Variants in LMOD1 observed in about 807,000 individuals in gnomAD.
The protein encoded by LMOD1 is leiomodin-1.
In LMOD1, 8 loss-of-function variants were observed where a neutral mutation model predicts 36.5. That is an observed-to-expected ratio of 0.22 (90% confidence interval 0.13 to 0.40). LMOD1 has a LOEUF of 0.40. Among genes scored for constraint, LMOD1 ranks in the 10% least tolerant of loss-of-function variants. LMOD1 has a pLI of 1.00. For synonymous variants in LMOD1, 284 were observed against 288.7 expected (o/e 0.98, Z 0.17); for missense variants, 630 against 751.1 (o/e 0.84, Z 1.88).
intron 1 of LMOD1, among the ~76,000 whole-genome samples, chr1:201,934,609 G>A (rs1681983461): frequency 6.6e-6 from 1 of 152,012 alleles, no homozygotes. Flanking sequence ...CTTCCCATTA[G>A]AACAAAACTG....
rs185049793 is a variant in LMOD1, at chr1:201,940,250, G to A, written c.261+5830C>T. On this transcript the variant is annotated intron_variant, in intron 1 of 2. Coordinates refer to ENST00000367288, the MANE Select transcript of LMOD1 (RefSeq NM_012134.3). ...TTGCCAGGCTGGAGTACAGCGGCAC[G>A]ATCTCGGCTCACTGCAACCTCCATC... 4.9e-3 allele frequency among the ~76,000 whole-genome samples: 707 copies of A among 144,132 alleles called. 5 individuals are homozygous for A. The highest frequency in any genetic ancestry group is 0.015 in the African/African-American group (592 of 38,606). 94.6% of individuals were successfully genotyped at this position (144,132 alleles called of 152,430 possible).
intron 1 of LMOD1, among the ~76,000 whole-genome samples, chr1:201,902,902 A>G (rs1681355657): frequency 6.6e-6 from 1 of 152,208 alleles, no homozygotes; most frequent in African/African-American, 2.4e-5. Flanking sequence ...TAGACATTAG[A>G]CATAGAGTAG....
At chr1:201,920,761 G>T (rs948015515) in intron 1 of LMOD1, among the ~76,000 whole-genome samples, 1 of 152,218 alleles carries the variant, frequency 6.6e-6, no homozygotes, top group Admixed American at 6.5e-5. Context: ...GGGCGCGGTG[G>T]CTCACGCCTG....
intron 1 of LMOD1, among the ~76,000 whole-genome samples, chr1:201,904,969 G>A (rs1409500513): frequency 1.3e-5 from 2 of 152,170 alleles, no homozygotes; most frequent in Non-Finnish European, 2.9e-5. Flanking sequence ...GTACATCCCG[G>A]TGACCTCCAG....
At chr1:201,927,912 C>T (rs183155722) in intron 1 of LMOD1, among the ~76,000 whole-genome samples, 330 of 152,270 alleles carry the variant, frequency 2.2e-3, no homozygotes, top group African/African-American at 7.8e-3. Flanking sequence ...ACATTGGAAA[C>T]TCAATCCCCA....
intron 1 of LMOD1, among the ~76,000 whole-genome samples, chr1:201,943,833 AT>A (rs991581930): frequency 6.6e-6 from 1 of 152,212 alleles, no homozygotes; most frequent in African/African-American, 2.4e-5. Flanking sequence ...TTTGTAGGTG[AT>A]GAAACTGAGG....
Position 201,900,499 on chromosome 1 carries a change from C to A in LMOD1, c.514G>T (p.Ala172Ser). ...TCCTCTCCTCTCCCATCCTTCCCTG[C>A]CTCCTTCTTATCCACTGCAGCCCTG... is the stretch of plus-strand genomic sequence containing the variant. ...RVRAAVDKKE[A>S]GKDGRGEERA... Residue 172 changes from alanine to serine, a missense_variant, in exon 2 of 3, where the codon GCA becomes TCA. By Grantham distance (99) the Ala-to-Ser change is moderately conservative. This residue lies in a region of LMOD1 where 405 missense variants were observed against 400.6 expected (regional missense o/e 1.01). Transcript: ENST00000367288. 2.5e-6 allele frequency: 4 copies of A among 1,613,786 alleles called. No individual in the cohort carries two copies. Among genetic ancestry groups the A allele is most frequent in the Non-Finnish European group, 3.4e-6 (4 of 1,179,840 alleles).
chr1:201,929,939 G>T (rs190424943), intron 1 of LMOD1, among the ~76,000 whole-genome samples: 62 of 152,312 alleles, frequency 4.1e-4, no homozygotes, highest in African/African-American at 1.2e-3. Flanking sequence ...GGCTGGGGGG[G>T]TCCGGAAAGC....
intron 1 of LMOD1, among the ~76,000 whole-genome samples, chr1:201,936,441 A>G (rs996143370): frequency 6.6e-6 from 1 of 152,140 alleles, no homozygotes; most frequent in Non-Finnish European, 1.5e-5. Flanking sequence ...AAGTCCCCAC[A>G]TGATCGGAAC....
At chr1:201,908,951 A>C (rs1191671092) in intron 1 of LMOD1, among the ~76,000 whole-genome samples, 1 of 152,144 alleles carries the variant, frequency 6.6e-6, no homozygotes, top group African/African-American at 2.4e-5. Flanking sequence ...TAAACCTGAC[A>C]AGCAACGCTG....
intron 1 of LMOD1, among the ~76,000 whole-genome samples, chr1:201,934,401 CCTT>C (rs1466858460): frequency 1.3e-5 from 2 of 152,302 alleles, no homozygotes; most frequent in African/African-American, 4.8e-5. Flanking sequence ...ATCTCTGCTG[CCTT>C]CTCTCCTAAG....
chr1:201,929,814 G>C (rs961027755), intron 1 of LMOD1, among the ~76,000 whole-genome samples: 4 of 152,172 alleles, frequency 2.6e-5, no homozygotes, highest in African/African-American at 9.7e-5. Context: ...TAAGAAGTTT[G>C]GGAAAAGCAC....
In LMOD1 at chr1:201,939,138, G is replaced by GTT. The variant is rs35833507; in HGVS notation, c.261+6940_261+6941dup. ...CATCATTCCTTCACACTCACTGATG[G>GTT]TTTTTTTTTTTTTTAATTTCGTGAG... On this transcript the variant is annotated intron_variant, in intron 1 of 2. Coordinates refer to ENST00000367288, the MANE Select transcript of LMOD1 (RefSeq NM_012134.3). Among the ~76,000 whole-genome samples, 6 of 139,878 alleles carry GTT rather than the reference G, an allele frequency of 4.3e-5. No homozygotes were observed. In the South Asian group the frequency reaches 9.2e-4, roughly 22 times the overall value. The allele number at this position is 139,878 out of a possible 152,430, so 91.8% of individuals were successfully genotyped here.
intron 1 of LMOD1, among the ~76,000 whole-genome samples, chr1:201,901,546 A>G (rs1419998169): frequency 4.6e-5 from 2 of 43,666 alleles, no homozygotes; most frequent in Non-Finnish European, 7.9e-5. Flanking sequence ...ATATATATAT[A>G]TATATACATA....
Position 201,898,282 on chromosome 1 carries a change from C to T in LMOD1, c.*90G>A, listed in dbSNP as rs545721869. On this transcript the variant is annotated 3_prime_UTR_variant, in exon 3 of 3. Coordinates refer to ENST00000367288, the MANE Select transcript of LMOD1 (RefSeq NM_012134.3). Reference sequence around the variant, plus strand: ...AATAGGGACATCCACAGCAGGTCAGCCAGGGATGGGGTGGGCAGGGTCTGT... The same window carrying T: ...AATAGGGACATCCACAGCAGGTCAGTCAGGGATGGGGTGGGCAGGGTCTGT... The T allele has an allele frequency of 3.6e-6, 5 of 1,377,458 alleles. No individual in the cohort carries two copies. In the African/African-American group the frequency reaches 4.3e-5, roughly 12 times the overall value. 85.3% of individuals were successfully genotyped at this position (1,377,458 alleles called of 1,614,324 possible).
At chr1:201,898,975 A>G (rs182617137) in intron 2 of LMOD1, among the ~76,000 whole-genome samples, 17 of 152,344 alleles carry the variant, frequency 1.1e-4, no homozygotes, top group South Asian at 2.1e-4. Context: ...TCATTGCAGA[A>G]TGAAAGAGAA....
rs1681222385 is a variant in LMOD1 at position 201,897,978 on chromosome 1, G to T, written c.*394C>A. 1 of 204,150 alleles carries T rather than the reference G, an allele frequency of 4.9e-6. No homozygotes were observed. The highest frequency in any genetic ancestry group is 1.1e-4 in the South Asian group (1 of 9,016). 12.6% of individuals were successfully genotyped at this position (204,150 alleles called of 1,614,324 possible). On this transcript the variant is annotated 3_prime_UTR_variant, in exon 3 of 3. Coordinates refer to ENST00000367288, the MANE Select transcript of LMOD1 (RefSeq NM_012134.3). ...GCTTTGCCCCGTGGGCTCCTCAGAGGCCTGAATCCTGGCCCTGGAGGGCAG... is the reference window on the plus strand; with the variant it reads ...GCTTTGCCCCGTGGGCTCCTCAGAGTCCTGAATCCTGGCCCTGGAGGGCAG...
At chr1:201,945,839 G>A (rs1431649426) in intron 1 of LMOD1, among the ~76,000 whole-genome samples, 1 of 152,148 alleles carries the variant, frequency 6.6e-6, no homozygotes, top group Non-Finnish European at 1.5e-5. Flanking sequence ...TCTACTAGTA[G>A]CTCTATTTGA....
chr1:201,929,867 A>G (rs757155633), intron 1 of LMOD1, among the ~76,000 whole-genome samples: 1 of 152,178 alleles, frequency 6.6e-6, no homozygotes, highest in Non-Finnish European at 1.5e-5. Context: ...TGCGAATGGA[A>G]CAGGAGGTGC....
Sources: allele counts gnomAD v4.1 joint callset (sites outside exome capture counted in the v4.1 genomes callset), GRCh38; gene constraint gnomAD v4.1.1; regional missense constraint gnomAD v4.1.1; transcripts MANE v1.5; gene names NCBI Gene and HGNC (gene_info 2026-07-23, HGNC 2026-07-21).